TUT4: variants seen among roughly 807,000 people sequenced by gnomAD.
The protein encoded by TUT4 is terminal uridylyl transferase 4, also known as terminal uridylyltransferase 4.
Under a neutral mutation model 192.2 loss-of-function variants are expected in TUT4, and 36 were observed. The observed-to-expected ratio is 0.19, with a 90% confidence interval of 0.14 to 0.25. The LOEUF (loss-of-function observed/expected upper bound fraction) is 0.25, where lower values mean the gene tolerates loss of function less well. TUT4 is among the 10% of genes least tolerant of loss of function. The pLI, the probability that TUT4 is intolerant of heterozygous loss-of-function variation, is 1.00. For synonymous variants in TUT4, 618 were observed against 666.0 expected, an observed-to-expected ratio of 0.93 and a Z score of 1.11; for missense variants, 1,493 against 1,957.2, an observed-to-expected ratio of 0.76 and a Z score of 4.47.
intron 24 of TUT4, among the ~76,000 whole-genome samples, chr1:52,442,183 A>G (rs1655834732): frequency 6.7e-6 from 1 of 150,006 alleles, no homozygotes; most frequent in Admixed American, 6.6e-5. Flanking sequence ...AAAAAAAAAA[A>G]GCCAAAGTGT....
chr1:52,497,274 A>C (rs1672687881), intron 4 of TUT4, 91 bp from the exon 5 acceptor site: 1 of 1,279,516 alleles, frequency 7.8e-7, no homozygotes, highest in Non-Finnish European at 1.0e-6. Flanking sequence ...GAAATAAACT[A>C]ACTCAACAAA....
At chr1:52,525,211 T>A (rs904169032) in intron 2 of TUT4, among the ~76,000 whole-genome samples, 3 of 152,150 alleles carry the variant, frequency 2.0e-5, no homozygotes, top group African/African-American at 7.2e-5. Flanking sequence ...TAAGAAGAAC[T>A]CAATACATAC....
chr1:52,431,505 T>C (rs1652059557), intron 27 of TUT4, 45 bp from the exon 28 acceptor site: 1 of 1,308,812 alleles, frequency 7.6e-7, no homozygotes, highest in South Asian at 1.8e-5. Context: ...TATAAACATC[T>C]TAATTTTATA....
intron 1 of TUT4, among the ~76,000 whole-genome samples, chr1:52,542,290 G>A (rs1686902319): frequency 6.6e-6 from 1 of 152,160 alleles, no homozygotes; most frequent in Non-Finnish European, 1.5e-5. Context: ...GCACAATAAT[G>A]TAAATAAATT....
chr1:52,429,890 G>A (rs1651467979), intron 28 of TUT4, among the ~76,000 whole-genome samples: 1 of 152,008 alleles, frequency 6.6e-6, no homozygotes, highest in Non-Finnish European at 1.5e-5. Context: ...CACAGTGCCG[G>A]CCTGTGTATG....
intron 2 of TUT4, among the ~76,000 whole-genome samples, chr1:52,518,333 A>G (rs145793217): frequency 1.3e-5 from 2 of 152,238 alleles, no homozygotes; most frequent in African/African-American, 4.8e-5. Flanking sequence ...ATTTTCTCAT[A>G]GTTCTGGAGA....
At chr1:52,454,717 T>C (rs1252350164) in intron 20 of TUT4, among the ~76,000 whole-genome samples, 1 of 152,104 alleles carries the variant, frequency 6.6e-6, no homozygotes, top group African/African-American at 2.4e-5. Context: ...ATTGACAAGA[T>C]GGACTTTACT....
At chr1:52,434,287 G>C (rs74887837) in intron 27 of TUT4, 2 of 152,086 alleles carry the variant, frequency 1.3e-5, no homozygotes, top group African/African-American at 4.8e-5. Context: ...CATGTTAAAC[G>C]GTTAATGGAT....
At chr1:52,472,186 T>C (rs1665950511) in intron 13 of TUT4, 84 bp from the exon 14 acceptor site, 1 of 1,286,482 alleles carries the variant, frequency 7.8e-7, no homozygotes, top group Non-Finnish European at 1.1e-6. Context: ...ACAAATCTTT[T>C]ATGTAACTCA....
chr1:52,496,449 A>G (rs764888765), intron 5 of TUT4, among the ~76,000 whole-genome samples: 25 of 152,244 alleles, frequency 1.6e-4, no homozygotes, highest in Non-Finnish European at 2.9e-4. Context: ...TAATTTATCA[A>G]CTTTCCAAAA....
intron 16 of TUT4, chr1:52,463,388 A>G (rs748973736): frequency 3.0e-6 from 3 of 996,340 alleles, no homozygotes; most frequent in African/African-American, 3.5e-5. Context: ...GTTTCTTTAT[A>G]AAACAAGATG....
At position 52,526,185 on chromosome 1, in the gene TUT4, T is replaced by C; in HGVS notation, c.96A>G (p.Gln32=). The C allele has an allele frequency of 1.9e-6, 3 of 1,611,660 alleles. No homozygotes were observed. The highest frequency in any genetic ancestry group is 1.7e-6 in the Non-Finnish European group (2 of 1,179,768). The change falls in exon 2 of 30, where the codon CAA becomes CAG. Residue 32 remains glutamine, a synonymous_variant. Transcript: ENST00000257177. The part of the protein sequence containing the change: ...ESKAVQVIGN[Q]TLKARNDKSV... ...ATTTATCATTTCTAGCTTTCAATGT[T>C]TGATTACCTATAACTTGAACTGCTT... is the stretch of plus-strand genomic sequence containing the variant.
chr1:52,507,671 A>G (rs1675979103), intron 4 of TUT4, among the ~76,000 whole-genome samples: 1 of 152,218 alleles, frequency 6.6e-6, no homozygotes, highest in Admixed American at 6.5e-5. Flanking sequence ...TGAAGCTTTT[A>G]GAACACCAAC....
intron 16 of TUT4, among the ~76,000 whole-genome samples, chr1:52,464,439 A>G (rs1663516047): frequency 6.6e-6 from 1 of 151,860 alleles, no homozygotes; most frequent in African/African-American, 2.4e-5. Flanking sequence ...TATTTTTCGT[A>G]GAGACGGGGT....
At chr1:52,459,741 C>T (rs188879396) in intron 19 of TUT4, among the ~76,000 whole-genome samples, 3 of 151,944 alleles carry the variant, frequency 2.0e-5, no homozygotes, top group Non-Finnish European at 2.9e-5. Flanking sequence ...ATTAGCCAGG[C>T]GTGGTAGCAG....
intron 24 of TUT4, among the ~76,000 whole-genome samples, chr1:52,440,602 T>C (rs2148344403): frequency 6.6e-6 from 1 of 152,312 alleles, no homozygotes; most frequent in South Asian, 2.1e-4. Context: ...CCTGAACTTG[T>C]TCTCTCTCAC....
chr1:52,484,960 T>C (rs960294712), intron 9 of TUT4, among the ~76,000 whole-genome samples: 5 of 152,238 alleles, frequency 3.3e-5, no homozygotes, highest in African/African-American at 1.2e-4. Context: ...TTCATTTTTG[T>C]AGCACTAAGC....
intron 15 of TUT4, among the ~76,000 whole-genome samples, chr1:52,467,562 CTTAT>C: frequency 6.6e-6 from 1 of 152,166 alleles, no homozygotes; most frequent in Non-Finnish European, 1.5e-5. Context: ...TGCTTCCAGT[CTTAT>C]AGCCCAGCAA....
Position 52,446,592 on chromosome 1 carries a change from G to A in TUT4, c.3511C>T (p.Leu1171=), listed in dbSNP as rs775147277. Residue 1171 remains leucine (L), a splice_region_variant and synonymous_variant, in exon 21 of 30, where the codon CTG becomes TTG. Transcript: ENST00000257177. The part of the protein sequence containing the change: ...NAFFFDKTEE[L]KKRLPSLGKN... ...CATAAAGACTATTTTAAAATTACCA[G>A]TTCTTCTGTTTTATCAAAGAAGAAA... The A allele has an allele frequency of 7.5e-6, 12 of 1,602,596 alleles. No individual in the cohort carries two copies. The Admixed American group carries it at 2.1e-4, about 28-fold the overall frequency.
Sources: gnomAD v4.1 joint callset for allele counts (sites outside exome capture counted in the v4.1 genomes callset) on GRCh38, gnomAD v4.1.1 for gene constraint, MANE v1.5 for transcripts, NCBI Gene and HGNC (gene_info 2026-07-23, HGNC 2026-07-21) for gene names.